Variants in CADM2 observed in about 807,000 individuals in gnomAD.
The protein encoded by CADM2 is immunoglobulin superfamily member 4D.
A neutral mutation model predicts 49.8 loss-of-function variants in CADM2; 12 were observed. The ratio of observed to expected loss-of-function variants is 0.24; its 90% CI spans 0.15 to 0.39. The LOEUF (loss-of-function observed/expected upper bound fraction) is 0.39. Among genes scored for constraint, CADM2 ranks in the 10% least tolerant of loss-of-function variants. CADM2 has a pLI of 1.00. For missense variants in CADM2, 378 were observed against 492.3 expected (o/e 0.77, Z 2.20); for synonymous variants, 214 against 175.4 (o/e 1.22, Z -1.74).
At chr3:85,065,657 T>A (rs542022173) in intron 1 of CADM2, among the ~76,000 whole-genome samples, 1 of 152,310 alleles carries the variant, frequency 6.6e-6, no homozygotes, top group Non-Finnish European at 1.5e-5. Flanking sequence ...TTTTGATGAA[T>A]AAAGACTGAT....
intron 1 of CADM2, among the ~76,000 whole-genome samples, chr3:85,719,788 C>A (rs1316414249): frequency 6.6e-6 from 1 of 152,054 alleles, no homozygotes; most frequent in Admixed American, 6.6e-5. Context: ...GGAAAACATC[C>A]AAGTTTTACT....
intron 1 of CADM2, among the ~76,000 whole-genome samples, chr3:85,338,732 T>A (rs2045158715): frequency 6.6e-6 from 1 of 151,510 alleles, no homozygotes; most frequent in African/African-American, 2.4e-5. Context: ...TATGTTCTTT[T>A]CACCGAACAA....
At chr3:85,128,801 A>C (rs930201526) in intron 1 of CADM2, among the ~76,000 whole-genome samples, 3 of 152,314 alleles carry the variant, frequency 2.0e-5, no homozygotes, top group Non-Finnish European at 4.4e-5. Context: ...GTAAGAAATA[A>C]AAGCAGAGTT....
Position 85,886,336 on chromosome 3 carries a change from T to G in CADM2, c.529+9T>G, listed in dbSNP as rs369901698. Reference sequence around the variant, plus strand: ...TGACAAAGAGATTAAAGGTAAAGAATAGAAAAATGAAAATCAAAATTAATG... The same window carrying G: ...TGACAAAGAGATTAAAGGTAAAGAAGAGAAAAATGAAAATCAAAATTAATG... On this transcript the variant is annotated intron_variant, in intron 5 of 9. Coordinates refer to ENST00000383699, the MANE Select transcript of CADM2 (RefSeq NM_001167675.2). 1.3e-6 allele frequency: 2 copies of G among 1,594,408 alleles called. No homozygotes were observed. Among genetic ancestry groups the G allele is most frequent in the Non-Finnish European group, 1.7e-6 (2 of 1,163,300 alleles).
chr3:85,028,323 A>C, intron 1 of CADM2, among the ~76,000 whole-genome samples: 1 of 152,182 alleles, frequency 6.6e-6, no homozygotes, highest in East Asian at 1.9e-4. Flanking sequence ...CCTTCTCCCT[A>C]AACTGCTTTT....
At chr3:85,311,127 T>C (rs1302712437) in intron 1 of CADM2, among the ~76,000 whole-genome samples, 1 of 152,084 alleles carries the variant, frequency 6.6e-6, no homozygotes, top group African/African-American at 2.4e-5. Context: ...TAATTCGGCA[T>C]ATATGTGAAT....
At chr3:84,996,415 T>A (rs932011232) in intron 1 of CADM2, among the ~76,000 whole-genome samples, 3 of 152,210 alleles carry the variant, frequency 2.0e-5, no homozygotes, top group South Asian at 4.1e-4. Context: ...AGGAATTTTA[T>A]TATGGTGTAT....
intron 1 of CADM2, among the ~76,000 whole-genome samples, chr3:85,446,088 C>T (rs1466492917): frequency 1.3e-5 from 2 of 152,002 alleles, no homozygotes; most frequent in African/African-American, 4.8e-5. Flanking sequence ...CCTGTGGTAT[C>T]ATTTTTGATA....
chr3:85,463,075 C>A (rs977762784), intron 1 of CADM2, among the ~76,000 whole-genome samples: 1 of 152,052 alleles, frequency 6.6e-6, no homozygotes, highest in Non-Finnish European at 1.5e-5. Flanking sequence ...GCCATATGAC[C>A]GCTTAGATTC....
intron 1 of CADM2, among the ~76,000 whole-genome samples, chr3:85,293,096 TA>T (rs2106944463): frequency 6.6e-6 from 1 of 152,136 alleles, no homozygotes; most frequent in South Asian, 2.1e-4. Flanking sequence ...TAAAAAATGA[TA>T]AAGGGGATAT....
At chr3:85,385,480 A>G (rs929406008) in intron 1 of CADM2, among the ~76,000 whole-genome samples, 2 of 151,996 alleles carry the variant, frequency 1.3e-5, no homozygotes, top group African/African-American at 2.4e-5. Context: ...TTAATCATGG[A>G]TATGTTTTGG....
rs142973754 is a variant in CADM2 at position 86,035,955 on chromosome 3, G to A, written c.971-29650G>A. Among the ~76,000 whole-genome samples, 7 of 152,086 alleles carry A rather than the reference G, an allele frequency of 4.6e-5. No individual in the cohort carries two copies. In the East Asian group the frequency reaches 1.4e-3, roughly 29 times the overall value. On this transcript the variant is annotated intron_variant, in intron 8 of 9. Coordinates refer to ENST00000383699, the MANE Select transcript of CADM2 (RefSeq NM_001167675.2). Reference sequence around the variant, plus strand: ...GCCATTTTCTTTTCACCATATTCTCGCATGACAGAGGGAGAAAACTCTTGT... The same window carrying A: ...GCCATTTTCTTTTCACCATATTCTCACATGACAGAGGGAGAAAACTCTTGT...
chr3:84,967,694 G>A (rs2031107711), intron 1 of CADM2, among the ~76,000 whole-genome samples: 2 of 152,006 alleles, frequency 1.3e-5, no homozygotes, highest in Non-Finnish European at 2.9e-5. Flanking sequence ...AATTAATGGG[G>A]AATGAAGAAT....
intron 1 of CADM2, among the ~76,000 whole-genome samples, chr3:85,153,507 G>A (rs1451640969): frequency 6.6e-6 from 1 of 152,196 alleles, no homozygotes; most frequent in African/African-American, 2.4e-5. Context: ...CAGCAAGGCT[G>A]GGGGAGGGGC....
chr3:85,878,901 A>T (rs142374296), intron 3 of CADM2, among the ~76,000 whole-genome samples: 3 of 152,076 alleles, frequency 2.0e-5, no homozygotes, highest in African/African-American at 4.8e-5. Context: ...GAAATTGAGC[A>T]CAGGAGGTGG....
intron 1 of CADM2, among the ~76,000 whole-genome samples, chr3:84,965,378 G>T (rs1033894064): frequency 6.6e-6 from 1 of 152,230 alleles, no homozygotes; most frequent in African/African-American, 2.4e-5. Context: ...CATGTGGCAT[G>T]AGAGTGAAAT....
chr3:85,367,479 A>G (rs1399125477), intron 1 of CADM2, among the ~76,000 whole-genome samples: 4 of 151,816 alleles, frequency 2.6e-5, no homozygotes, highest in African/African-American at 9.6e-5. Context: ...GAGTCTTAAG[A>G]TCAAAAAGTC....
chr3:85,088,670 TCA>T (rs2037476835), intron 1 of CADM2, among the ~76,000 whole-genome samples: 2 of 152,092 alleles, frequency 1.3e-5, no homozygotes, highest in Admixed American at 1.3e-4. Flanking sequence ...TAGCTAAGGT[TCA>T]CATTGTCATA....
chr3:86,006,615 C>G (rs1730821952), intron 8 of CADM2, among the ~76,000 whole-genome samples: 1 of 152,166 alleles, frequency 6.6e-6, no homozygotes, highest in East Asian at 1.9e-4. Flanking sequence ...AGTGAGGACT[C>G]CCTAGAGCTT....
Sources: allele counts gnomAD v4.1 joint callset (sites outside exome capture counted in the v4.1 genomes callset), GRCh38; gene constraint gnomAD v4.1.1; transcripts MANE v1.5; gene names NCBI Gene and HGNC (gene_info 2026-07-23, HGNC 2026-07-21).